HDAC9: variants seen among roughly 807,000 people sequenced by gnomAD.
HDAC9 encodes the protein histone deacetylase 9.
HDAC9 carries 41 observed loss-of-function variants against 139.4 expected under a neutral mutation model. The ratio of observed to expected loss-of-function variants is 0.29; its 90% CI spans 0.23 to 0.38. The LOEUF (loss-of-function observed/expected upper bound fraction) is 0.38. HDAC9 is among the 10% of genes least tolerant of loss of function. HDAC9 has a pLI of 1.00. For synonymous variants in HDAC9, 517 were observed against 476.2 expected, an observed-to-expected ratio of 1.09 and a Z score of -1.12; for missense variants, 1,147 against 1,297.0, an observed-to-expected ratio of 0.88 and a Z score of 1.78.
rs781399761 is a variant in HDAC9 at position 18,648,439 on chromosome 7, C to T, written c.1250-27C>T. 3 of 1,446,010 alleles carry T rather than the reference C, an allele frequency of 2.1e-6. No individual in the cohort carries two copies. In the South Asian group the frequency reaches 3.5e-5, roughly 17 times the overall value. The allele number at this position is 1,446,010 out of a possible 1,614,324, so 89.6% of individuals were successfully genotyped here. A position where few individuals can be genotyped will look rare whatever the true frequency, so the allele number is the denominator to read the frequency against. ...GTGTGTGTGTGTGTGTGTGTATACA[C>T]ACATATACATGTATTTTTTTTTTCA... is the stretch of plus-strand genomic sequence containing the variant. On this transcript the variant is annotated intron_variant, in intron 10 of 25. Coordinates refer to ENST00000686413, the MANE Select transcript of HDAC9 (RefSeq NM_178425.4).
At chr7:18,533,983 G>GA (rs1809954754) in intron 2 of HDAC9, among the ~76,000 whole-genome samples, 2 of 151,936 alleles carry the variant, frequency 1.3e-5, no homozygotes, top group Admixed American at 1.3e-4. Context: ...TAATGTAGTA[G>GA]GTAACTTCCT....
In HDAC9 at chr7:18,433,561, C is replaced by T. The variant is rs577462035; in HGVS notation, c.-41-62701C>T. Among the ~76,000 whole-genome samples, 3 of 152,306 alleles carry T rather than the reference C, an allele frequency of 2.0e-5. No homozygotes were observed. The South Asian group carries it at 6.2e-4, about 32-fold the overall frequency. The stretch of plus-strand genomic sequence containing the variant: ...AGCTCCTAGATCTGATAAACAACTT[C>T]AGCAAAGTTTCAGGACACAAAATCA... On this transcript the variant is annotated intron_variant, in intron 1 of 3. Transcript: ENST00000413509.
chr7:18,904,926 T>C (rs1385970054), intron 22 of HDAC9, among the ~76,000 whole-genome samples: 1 of 151,522 alleles, frequency 6.6e-6, no homozygotes, highest in Non-Finnish European at 1.5e-5. Context: ...TTTCTCAAAG[T>C]CTTGGTCTAT....
At chr7:18,425,391 A>G (rs1175568110) in intron 1 of HDAC9, among the ~76,000 whole-genome samples, 1 of 152,230 alleles carries the variant, frequency 6.6e-6, no homozygotes. Flanking sequence ...CATGAAAGAG[A>G]AAAATGCAGA....
At chr7:18,474,597 C>T (rs1794973184) in intron 1 of HDAC9, among the ~76,000 whole-genome samples, 1 of 152,108 alleles carries the variant, frequency 6.6e-6, no homozygotes, top group African/African-American at 2.4e-5. Context: ...TTTATGTTCT[C>T]AGAGCATTTA....
At chr7:18,234,787 A>T (rs1793704213) in intron 2 of HDAC9, among the ~76,000 whole-genome samples, 2 of 152,342 alleles carry the variant, frequency 1.3e-5, no homozygotes, top group Admixed American at 6.5e-5. Flanking sequence ...AAACCACAGA[A>T]GTAAGTTTGA....
chr7:18,536,037 C>G (rs752632894), intron 2 of HDAC9, among the ~76,000 whole-genome samples: 2 of 152,184 alleles, frequency 1.3e-5, no homozygotes, highest in African/African-American at 4.8e-5. Context: ...GCATAAACCT[C>G]TCTTTGCCTC....
At chr7:18,627,846 G>A (rs531157287) in intron 6 of HDAC9, among the ~76,000 whole-genome samples, 1 of 152,044 alleles carries the variant, frequency 6.6e-6, no homozygotes, top group East Asian at 1.9e-4. Flanking sequence ...CATAAAATCA[G>A]GTTTACAATA....
intron 1 of HDAC9, among the ~76,000 whole-genome samples, chr7:18,381,221 GGAAAAGAAAAAAAA>G (rs1785416035): frequency 7.6e-6 from 1 of 130,938 alleles, no homozygotes; most frequent in Non-Finnish European, 1.6e-5. Context: ...AAAAAAAAAA[GGAAAAGAAAAAAAA>G]GAAAAATAAA....
chr7:18,208,862 C>CT (rs1262504567), intron 2 of HDAC9, among the ~76,000 whole-genome samples: 1 of 152,080 alleles, frequency 6.6e-6, no homozygotes, highest in Non-Finnish European at 1.5e-5. Flanking sequence ...GCTCATAAGT[C>CT]TAAGAGTTTT....
intron 12 of HDAC9, among the ~76,000 whole-genome samples, chr7:18,717,006 T>G (rs1377037808): frequency 6.6e-6 from 1 of 151,470 alleles, no homozygotes; most frequent in Non-Finnish European, 1.5e-5. Flanking sequence ...TTTTTTTTTT[T>G]TTTTTTGGTA....
chr7:18,524,437 G>A (rs958396133), intron 2 of HDAC9, among the ~76,000 whole-genome samples: 3 of 152,102 alleles, frequency 2.0e-5, no homozygotes, highest in Non-Finnish European at 4.4e-5. Context: ...GCAGTCAGCT[G>A]TAGTTGAGAG....
At chr7:18,419,676 T>C (rs1045969351) in intron 1 of HDAC9, among the ~76,000 whole-genome samples, 8 of 152,176 alleles carry the variant, frequency 5.3e-5, no homozygotes, top group Admixed American at 3.9e-4. Flanking sequence ...CTTGTAGACC[T>C]TTGAAGAGGG....
chr7:18,968,545 G>GA (rs1784034768), intron 24 of HDAC9, among the ~76,000 whole-genome samples: 1 of 152,148 alleles, frequency 6.6e-6, no homozygotes, highest in Non-Finnish European at 1.5e-5. Flanking sequence ...GAAACAAAAT[G>GA]AGTACCGCAG....
chr7:18,557,443 T>A (rs1819184175), intron 2 of HDAC9, among the ~76,000 whole-genome samples: 2 of 151,120 alleles, frequency 1.3e-5, no homozygotes, highest in South Asian at 4.1e-4. Context: ...AATGGGATTG[T>A]TATGTGTGTT....
intron 20 of HDAC9, 113 bp from the exon 21 acceptor site, chr7:18,835,787 A>G (rs1796194763): frequency 8.2e-6 from 8 of 972,798 alleles, no homozygotes; most frequent in South Asian, 1.5e-5. Flanking sequence ...GGCTGATTTG[A>G]TGTGTTGTTT....
At chr7:18,920,974 C>A (rs1402956769) in intron 22 of HDAC9, among the ~76,000 whole-genome samples, 6 of 151,998 alleles carry the variant, frequency 3.9e-5, no homozygotes, top group Admixed American at 3.3e-4. Context: ...CAAAAACAAG[C>A]AATGGGGAAA....
At chr7:18,443,099 C>G (rs1190726364) in intron 1 of HDAC9, among the ~76,000 whole-genome samples, 2 of 152,174 alleles carry the variant, frequency 1.3e-5, no homozygotes, top group Admixed American at 1.3e-4. Context: ...AAATCCACTT[C>G]CACTGAATTG....
At chr7:18,893,606 A>C (rs1800893426) in intron 22 of HDAC9, among the ~76,000 whole-genome samples, 1 of 152,210 alleles carries the variant, frequency 6.6e-6, no homozygotes, top group Non-Finnish European at 1.5e-5. Flanking sequence ...AGCAGCTTCC[A>C]CAATGGACAT....
Sources: gnomAD v4.1 joint callset for allele counts (sites outside exome capture counted in the v4.1 genomes callset) on GRCh38, gnomAD v4.1.1 for gene constraint, MANE v1.5 for transcripts, NCBI Gene and HGNC (gene_info 2026-07-23, HGNC 2026-07-21) for gene names.